The following EPHA6 variants were observed in gnomAD, a reference collection of about 807,000 sequenced individuals.
EPHA6 encodes the protein ephrin type-A receptor 6.
EPHA6 carries 50 observed loss-of-function variants against 112.0 expected under a neutral mutation model. That is an observed-to-expected ratio of 0.45 (90% CI 0.36 to 0.56). The LOEUF (loss-of-function observed/expected upper bound fraction) is 0.56. Ranked by LOEUF, EPHA6 falls within the 20% of genes least tolerant of loss-of-function variation. The pLI, the probability that EPHA6 is intolerant of heterozygous loss-of-function variation, is 0.00. For missense variants in EPHA6, 1,280 were observed against 1,417.4 expected, an observed-to-expected ratio of 0.90 and a Z score of 1.56; for synonymous variants, 529 against 490.7, an observed-to-expected ratio of 1.08 and a Z score of -1.03.
At chr3:97,608,078 G>A (rs1265258281) in intron 12 of EPHA6, among the ~76,000 whole-genome samples, 2 of 149,996 alleles carry the variant, frequency 1.3e-5, no homozygotes, top group Admixed American at 1.3e-4. Context: ...CAGGCTAGAT[G>A]GAGCAATAGT....
rs1281932215 is a variant in EPHA6, at chr3:97,292,511, C to T, written c.1606+48224C>T. On this transcript the variant is annotated intron_variant, in intron 5 of 17. Coordinates refer to ENST00000389672, the MANE Select transcript of EPHA6 (RefSeq NM_001080448.3). ...TCAGGAGACCTGAGGCAGCTCCTTT[C>T]GGCAAGCAGGTCGTCCTGACGACGG... Among the ~76,000 whole-genome samples the T allele has an allele frequency of 3.9e-5, 6 of 152,240 alleles. No individual in the cohort carries two copies. The East Asian group carries it at 5.8e-4, about 15-fold the overall frequency.
chr3:97,708,639 G>T (rs959496445), intron 14 of EPHA6, among the ~76,000 whole-genome samples: 2 of 152,228 alleles, frequency 1.3e-5, no homozygotes, highest in Non-Finnish European at 2.9e-5. Flanking sequence ...TGGGGAAAAT[G>T]TCTCCAGGGC....
intron 11 of EPHA6, among the ~76,000 whole-genome samples, chr3:97,556,068 G>A (rs1460119516): frequency 3.3e-5 from 5 of 151,770 alleles, no homozygotes; most frequent in Admixed American, 3.3e-4. Context: ...GAAAACTAGG[G>A]CCAGCCCCTA....
chr3:96,927,084 C>G (rs1041665472), intron 2 of EPHA6, among the ~76,000 whole-genome samples: 14 of 152,348 alleles, frequency 9.2e-5, no homozygotes, highest in African/African-American at 3.4e-4. Context: ...GTTCCCGAAC[C>G]TTAATTCTTG....
At chr3:97,477,629 T>A (rs2107470061) in intron 8 of EPHA6, among the ~76,000 whole-genome samples, 1 of 152,284 alleles carries the variant, frequency 6.6e-6, no homozygotes, top group South Asian at 2.1e-4. Flanking sequence ...GAAAATCAAA[T>A]TGCCACTACT....
chr3:97,134,858 G>A (rs972556145), intron 3 of EPHA6, among the ~76,000 whole-genome samples: 4 of 152,100 alleles, frequency 2.6e-5, no homozygotes, highest in Non-Finnish European at 5.9e-5. Flanking sequence ...AACTTGTGAA[G>A]AAGTTTGTCT....
intron 1 of EPHA6, among the ~76,000 whole-genome samples, chr3:96,832,637 C>T (rs368398949): frequency 6.6e-6 from 1 of 151,908 alleles, no homozygotes; most frequent in East Asian, 1.9e-4. Flanking sequence ...CAATATTGTG[C>T]CCAATATTGG....
intron 14 of EPHA6, among the ~76,000 whole-genome samples, chr3:97,649,237 G>A (rs1461621692): frequency 6.6e-6 from 1 of 152,068 alleles, no homozygotes; most frequent in Non-Finnish European, 1.5e-5. Flanking sequence ...ATGGTGACAG[G>A]CAAGTGAGAG....
intron 3 of EPHA6, among the ~76,000 whole-genome samples, chr3:97,014,221 T>G (rs1416786575): frequency 2.6e-5 from 4 of 152,112 alleles, no homozygotes; most frequent in African/African-American, 9.7e-5. Flanking sequence ...TTCATTCTAA[T>G]TCATCAAAAG....
chr3:97,577,517 T>A (rs1350518845), intron 11 of EPHA6, among the ~76,000 whole-genome samples: 1 of 151,916 alleles, frequency 6.6e-6, no homozygotes, highest in Non-Finnish European at 1.5e-5. Context: ...AAAAAAAAAA[T>A]CCCCTGTCTT....
At chr3:97,587,072 G>T (rs1299137719) in intron 11 of EPHA6, among the ~76,000 whole-genome samples, 2 of 152,034 alleles carry the variant, frequency 1.3e-5, no homozygotes, top group Non-Finnish European at 2.9e-5. Flanking sequence ...GTAAAACCCT[G>T]TCTCTACTAA....
chr3:97,275,040 G>T (rs934933187), intron 5 of EPHA6, among the ~76,000 whole-genome samples: 1 of 152,208 alleles, frequency 6.6e-6, no homozygotes, highest in Non-Finnish European at 1.5e-5. Flanking sequence ...GCCTCTAAAA[G>T]TATTAAAGCA....
intron 2 of EPHA6, among the ~76,000 whole-genome samples, chr3:96,970,489 A>G (rs1342082073): frequency 1.3e-5 from 2 of 152,098 alleles, no homozygotes; most frequent in African/African-American, 4.8e-5. Flanking sequence ...CTAAAAGTTT[A>G]CATATTTTCC....
intron 3 of EPHA6, among the ~76,000 whole-genome samples, chr3:97,076,039 A>G (rs544087679): frequency 2.0e-5 from 3 of 152,206 alleles, no homozygotes; most frequent in Non-Finnish European, 4.4e-5. Flanking sequence ...CACTATTGAA[A>G]TTAGGCCAAT....
chr3:97,639,308 TA>T (rs2093980832), intron 14 of EPHA6, among the ~76,000 whole-genome samples: 1 of 152,004 alleles, frequency 6.6e-6, no homozygotes, highest in African/African-American at 2.4e-5. Flanking sequence ...ACTCCATTTT[TA>T]AATTGGAAAA....
chr3:97,199,383 C>T (rs1293944574), intron 3 of EPHA6, among the ~76,000 whole-genome samples: 1 of 152,116 alleles, frequency 6.6e-6, no homozygotes, highest in Non-Finnish European at 1.5e-5. Flanking sequence ...TCTGGCTGTA[C>T]ATTAAAATAA....
chr3:97,067,222 A>G (rs182828679), intron 3 of EPHA6, among the ~76,000 whole-genome samples: 4 of 152,228 alleles, frequency 2.6e-5, no homozygotes, highest in African/African-American at 4.8e-5. Context: ...ACTTTACATC[A>G]TAAATTCACA....
At chr3:97,115,857 T>C (rs2047872298) in intron 3 of EPHA6, among the ~76,000 whole-genome samples, 1 of 151,854 alleles carries the variant, frequency 6.6e-6, no homozygotes. Flanking sequence ...TGATACGTTA[T>C]TGAACCATAT....
chr3:97,040,880 A>C (rs1013603355), intron 3 of EPHA6, among the ~76,000 whole-genome samples: 2 of 152,148 alleles, frequency 1.3e-5, no homozygotes, highest in Middle Eastern at 3.4e-3. Flanking sequence ...TGATGTTTAG[A>C]ATTTAATACT....
Sources: gnomAD v4.1 joint callset for allele counts (sites outside exome capture counted in the v4.1 genomes callset) on GRCh38, gnomAD v4.1.1 for gene constraint, MANE v1.5 for transcripts, NCBI Gene and HGNC (gene_info 2026-07-23, HGNC 2026-07-21) for gene names.